The following SIPA1L3 variants were observed in gnomAD, a reference collection of about 807,000 sequenced individuals.
SIPA1L3 encodes signal induced proliferation associated 1 like 3.
SIPA1L3 carries 59 observed loss-of-function variants against 150.1 expected under a neutral mutation model. That is an observed-to-expected ratio of 0.39 (90% CI 0.32 to 0.49). The LOEUF (loss-of-function observed/expected upper bound fraction) is 0.49. Ranked by LOEUF, SIPA1L3 falls within the 20% of genes least tolerant of loss-of-function variation. The pLI, the probability that SIPA1L3 is intolerant of heterozygous loss-of-function variation, is 0.86. For missense variants in SIPA1L3, 2,211 were observed against 2,489.5 expected (o/e 0.89, Z 2.38); for synonymous variants, 1,070 against 1,077.6 (o/e 0.99, Z 0.14).
rs113292213 is a variant in SIPA1L3, at chr19:38,202,969, T to C, written c.5120+972T>C. 7.9e-3 allele frequency among the ~76,000 whole-genome samples: 1,196 copies of C among 152,352 alleles called. 5 individuals carry two copies. The highest frequency in any genetic ancestry group is 0.014 in the Non-Finnish European group (932 of 68,036). ...AAATTAAAAAGAGGCAGAGAGAATG[T>C]AAATGGCACATTCTGCCTGTACATG... On this transcript the variant is annotated intron_variant, in intron 20 of 21. Coordinates refer to ENST00000222345, the MANE Select transcript of SIPA1L3 (RefSeq NM_015073.3).
intron 1 of SIPA1L3, among the ~76,000 whole-genome samples, chr19:37,929,023 AAG>A (rs1294786846): frequency 6.6e-6 from 1 of 152,248 alleles, no homozygotes; most frequent in Non-Finnish European, 1.5e-5. Flanking sequence ...CAGCAGCAGA[AAG>A]AGGGCATCTC....
At chr19:38,059,623 T>A (rs993253615) in intron 2 of SIPA1L3, among the ~76,000 whole-genome samples, 3 of 152,182 alleles carry the variant, frequency 2.0e-5, no homozygotes, top group Admixed American at 1.3e-4. Context: ...AAAATTCTGT[T>A]ATTGTGAAAT....
chr19:38,161,422 AATAAG>A (rs1362437937), intron 13 of SIPA1L3, among the ~76,000 whole-genome samples: 1 of 149,968 alleles, frequency 6.7e-6, no homozygotes, highest in Non-Finnish European at 1.5e-5. Flanking sequence ...TCTACTAACC[AATAAG>A]ATAAAAGATA....
intron 2 of SIPA1L3, among the ~76,000 whole-genome samples, chr19:38,060,853 A>G (rs1725471): frequency 0.37 from 55,803 of 151,810 alleles, 11,351 homozygotes; most frequent in African/African-American, 0.56. Context: ...CACCACACCC[A>G]GCTAATTTTT....
chr19:37,924,910 G>A (rs1342653679), intron 1 of SIPA1L3, among the ~76,000 whole-genome samples: 1 of 150,848 alleles, frequency 6.6e-6, no homozygotes, highest in Non-Finnish European at 1.5e-5. Context: ...TTAGCTGGGC[G>A]ACGTGGCGTG....
intron 9 of SIPA1L3, among the ~76,000 whole-genome samples, chr19:38,123,254 TTTTTTTTTTG>T (rs1568561985): frequency 7.6e-6 from 1 of 131,278 alleles, no homozygotes; most frequent in Non-Finnish European, 1.5e-5. Context: ...GGTTTTGGAG[TTTTTTTTTTG>T]TTTTTTTTGT....
At chr19:37,919,625 G>T (rs747286025) in intron 1 of SIPA1L3, among the ~76,000 whole-genome samples, 1 of 151,768 alleles carries the variant, frequency 6.6e-6, no homozygotes, top group East Asian at 1.9e-4. Context: ...CACTTGTTCC[G>T]GCCTCCTCAC....
chr19:37,918,311 G>C (rs991779113), intron 1 of SIPA1L3, among the ~76,000 whole-genome samples: 35 of 151,778 alleles, frequency 2.3e-4, no homozygotes, highest in Admixed American at 9.8e-4. Flanking sequence ...CCAGGCTGGA[G>C]TGCAGTGGCG....
chr19:38,075,645 T>C (rs1969820810), intron 2 of SIPA1L3, among the ~76,000 whole-genome samples: 1 of 150,622 alleles, frequency 6.6e-6, no homozygotes, highest in Non-Finnish European at 1.5e-5. Context: ...CCAGGCATGG[T>C]GGTGTGCACC....
In SIPA1L3 at chr19:38,046,853, A is replaced by C. The variant is rs1599950456; in HGVS notation, c.-311+17697A>C. Among the ~76,000 whole-genome samples the C allele has an allele frequency of 6.6e-6, 1 of 152,118 alleles. No individual in the cohort carries two copies. On this transcript the variant is annotated intron_variant, in intron 2 of 21. Coordinates refer to ENST00000222345, the MANE Select transcript of SIPA1L3 (RefSeq NM_015073.3). The surrounding 1 kb of genome is among the most constrained non-coding windows in gnomAD (Gnocchi z 5.6). ...AGCAAGGTGGCTCTGATCCTGCAGG[A>C]GGGGGCTCTCTTTGAGAGCACTTGG...
intron 9 of SIPA1L3, among the ~76,000 whole-genome samples, chr19:38,121,549 G>A (rs1268101339): frequency 6.6e-6 from 1 of 150,882 alleles, no homozygotes; most frequent in Admixed American, 6.6e-5. Context: ...GACCATCCTG[G>A]CTAACACAGT....
In SIPA1L3 at chr19:37,952,059, G is replaced by C. The variant is rs577603115; in HGVS notation, c.-379+44701G>C. On this transcript the variant is annotated intron_variant, in intron 1 of 21. Transcript: ENST00000222345. ...GGGAGGAGGTGAGTCAGTCCAATCA[G>C]AATTAAGACAGGTCTTTCTCTGGAG... Among the ~76,000 whole-genome samples the C allele has an allele frequency of 5.9e-5, 9 of 151,972 alleles. No homozygotes were observed. In the East Asian group the frequency reaches 1.7e-3, roughly 29 times the overall value.
intron 1 of SIPA1L3, among the ~76,000 whole-genome samples, chr19:37,983,094 T>G (rs748699657): frequency 2.6e-5 from 4 of 152,232 alleles, no homozygotes; most frequent in Admixed American, 1.3e-4. Flanking sequence ...CTACTTCCCT[T>G]GGCCCAATCC....
At chr19:37,958,621 GAGAACAAAAGCTCAAACAACAGAAGAA>G (rs1405640838) in intron 1 of SIPA1L3, among the ~76,000 whole-genome samples, 2 of 152,080 alleles carry the variant, frequency 1.3e-5, no homozygotes, top group Admixed American at 1.3e-4. Flanking sequence ...TTTCTTAGGT[GAGAACAAAAGCTCAAACAACAGAAGAA>G]AGAACAAAAG....
intron 1 of SIPA1L3, among the ~76,000 whole-genome samples, chr19:37,960,972 G>A (rs1482496968): frequency 6.6e-6 from 1 of 151,654 alleles, no homozygotes; most frequent in East Asian, 1.9e-4. Context: ...GGGTTGAAGG[G>A]ATCCTCCCGC....
At chr19:38,013,636 G>C (rs905784559) in intron 1 of SIPA1L3, among the ~76,000 whole-genome samples, 2 of 152,194 alleles carry the variant, frequency 1.3e-5, no homozygotes, top group African/African-American at 2.4e-5. Flanking sequence ...ATGTAACCAT[G>C]TAATTTTTCA....
At chr19:38,069,482 C>G (rs1416076939) in intron 2 of SIPA1L3, among the ~76,000 whole-genome samples, 3 of 152,104 alleles carry the variant, frequency 2.0e-5, no homozygotes, top group Admixed American at 2.0e-4. Context: ...GATGTACAGC[C>G]TCTCCGAGCT....
At chr19:38,040,221 T>C (rs1968885868) in intron 2 of SIPA1L3, among the ~76,000 whole-genome samples, 1 of 152,076 alleles carries the variant, frequency 6.6e-6, no homozygotes, top group Non-Finnish European at 1.5e-5. Flanking sequence ...AGAGTCACTT[T>C]TTGAGTCATC....
At chr19:38,011,326 A>G (rs2145681011) in intron 1 of SIPA1L3, among the ~76,000 whole-genome samples, 1 of 152,196 alleles carries the variant, frequency 6.6e-6, no homozygotes, top group South Asian at 2.1e-4. Context: ...AATAACAAAA[A>G]TTAACCAGGC....
Sources: allele counts gnomAD v4.1 joint callset (sites outside exome capture counted in the v4.1 genomes callset), GRCh38; gene constraint gnomAD v4.1.1; non-coding constraint Gnocchi (gnomAD v3.1); transcripts MANE v1.5; gene names NCBI Gene and HGNC (gene_info 2026-07-23, HGNC 2026-07-21).